TTC28: variants seen among roughly 807,000 people sequenced by gnomAD.
The protein encoded by TTC28 is tetratricopeptide repeat domain 28, also known as tetratricopeptide repeat protein 28.
A neutral mutation model predicts 198.0 loss-of-function variants in TTC28; 61 were observed. The observed-to-expected ratio is 0.31, with a 90% CI of 0.25 to 0.38. The LOEUF is 0.38. Among genes scored for constraint, TTC28 ranks in the 10% least tolerant of loss-of-function variants. The pLI, the probability that TTC28 is intolerant of heterozygous loss-of-function variation, is 1.00. For synonymous variants in TTC28, 1,171 were observed against 1,297.8 expected, an observed-to-expected ratio of 0.90 and a Z score of 2.10; for missense variants, 2,678 against 3,164.0, an observed-to-expected ratio of 0.85 and a Z score of 3.69.
chr22:28,063,326 C>T (rs1477029091), intron 12 of TTC28, among the ~76,000 whole-genome samples: 1 of 152,176 alleles, frequency 6.6e-6, no homozygotes, highest in Non-Finnish European at 1.5e-5. Context: ...TTCTTCAGAA[C>T]AGAATGGCTG....
chr22:28,210,146 C>G (rs996361216), intron 5 of TTC28, among the ~76,000 whole-genome samples: 1 of 152,138 alleles, frequency 6.6e-6, no homozygotes, highest in Non-Finnish European at 1.5e-5. Flanking sequence ...ATGTCACCAT[C>G]ACCAAAGACC....
chr22:28,152,603 G>A (rs939725556), intron 6 of TTC28, among the ~76,000 whole-genome samples: 1 of 152,184 alleles, frequency 6.6e-6, no homozygotes, highest in Non-Finnish European at 1.5e-5. Flanking sequence ...GAACAAATAA[G>A]TACTATAAAA....
At chr22:28,671,151 C>A (rs140669117) in intron 1 of TTC28, among the ~76,000 whole-genome samples, 26 of 151,950 alleles carry the variant, frequency 1.7e-4, no homozygotes, top group African/African-American at 6.3e-4. Flanking sequence ...TACTATGTTG[C>A]CCAGGCTGAT....
At chr22:28,473,342 A>C (rs1021772972) in intron 2 of TTC28, among the ~76,000 whole-genome samples, 1 of 152,200 alleles carries the variant, frequency 6.6e-6, no homozygotes, top group African/African-American at 2.4e-5. Flanking sequence ...GATAGGAAGT[A>C]GGACTCAACT....
At chr22:28,011,624 T>C (rs966549774) in intron 14 of TTC28, among the ~76,000 whole-genome samples, 1 of 152,008 alleles carries the variant, frequency 6.6e-6, no homozygotes, top group Non-Finnish European at 1.5e-5. Flanking sequence ...TTTCAATCCA[T>C]GGTTGAATCC....
intron 2 of TTC28, among the ~76,000 whole-genome samples, chr22:28,438,794 T>C (rs1159421214): frequency 1.3e-5 from 2 of 152,202 alleles, no homozygotes; most frequent in African/African-American, 4.8e-5. Flanking sequence ...GTCTCTTGAC[T>C]AAAGGTAAAA....
chr22:28,170,507 A>G (rs991270910), intron 5 of TTC28, among the ~76,000 whole-genome samples: 3 of 152,194 alleles, frequency 2.0e-5, no homozygotes, highest in South Asian at 2.1e-4. Flanking sequence ...AAAAAAAGAA[A>G]AAAAGAAAAT....
chr22:28,463,397 G>A (rs2047975877), intron 2 of TTC28, among the ~76,000 whole-genome samples: 1 of 152,110 alleles, frequency 6.6e-6, no homozygotes. Flanking sequence ...ATTTGACCCA[G>A]CCATTGCATT....
At chr22:28,209,541 A>C (rs1016559820) in intron 5 of TTC28, among the ~76,000 whole-genome samples, 7 of 152,188 alleles carry the variant, frequency 4.6e-5, no homozygotes, top group African/African-American at 1.7e-4. Flanking sequence ...ACTCACTGCT[A>C]GCACAGCAGT....
intron 5 of TTC28, among the ~76,000 whole-genome samples, chr22:28,216,368 A>T (rs1459984783): frequency 6.6e-6 from 1 of 152,218 alleles, no homozygotes; most frequent in African/African-American, 2.4e-5. Context: ...TTCAAAGAGG[A>T]GGTAAGCTTG....
intron 5 of TTC28, among the ~76,000 whole-genome samples, chr22:28,264,589 A>C (rs1488461018): frequency 6.6e-6 from 1 of 152,210 alleles, no homozygotes; most frequent in Non-Finnish European, 1.5e-5. Flanking sequence ...TATGATATAT[A>C]GATATAAATA....
intron 2 of TTC28, among the ~76,000 whole-genome samples, chr22:28,585,272 C>T (rs2050297317): frequency 6.6e-6 from 1 of 152,100 alleles, no homozygotes; most frequent in African/African-American, 2.4e-5. Context: ...ATACAACTCA[C>T]CATAATGTAG....
At chr22:28,055,580 A>G (rs559230790) in intron 12 of TTC28, among the ~76,000 whole-genome samples, 2 of 152,304 alleles carry the variant, frequency 1.3e-5, no homozygotes, top group South Asian at 4.1e-4. Flanking sequence ...TCTCCCAGAC[A>G]CTATTTAGTT....
intron 2 of TTC28, among the ~76,000 whole-genome samples, chr22:28,436,032 T>C (rs1340300474): frequency 6.6e-6 from 1 of 152,206 alleles, no homozygotes; most frequent in East Asian, 1.9e-4. Context: ...TGGCGTTTAG[T>C]ACATGCACAA....
chr22:28,264,625 G>A (rs188268437), intron 5 of TTC28, among the ~76,000 whole-genome samples: 24 of 152,212 alleles, frequency 1.6e-4, no homozygotes, highest in African/African-American at 2.4e-4. Context: ...GTGTGTACAC[G>A]CACACACGCA....
At chr22:28,512,733 A>G (rs1159822496) in intron 2 of TTC28, among the ~76,000 whole-genome samples, 1 of 152,156 alleles carries the variant, frequency 6.6e-6, no homozygotes, top group East Asian at 1.9e-4. Flanking sequence ...GTGAGAATAC[A>G]TGGACACACG....
intron 5 of TTC28, among the ~76,000 whole-genome samples, chr22:28,217,438 G>A (rs1174347457): frequency 1.3e-5 from 2 of 152,126 alleles, no homozygotes; most frequent in African/African-American, 4.8e-5. Flanking sequence ...TAGTATAAAG[G>A]AATTGTGGCG....
Position 28,005,647 on chromosome 22 carries a change from T to C in TTC28, c.4219-4094A>G, listed in dbSNP as rs991482469. Among the ~76,000 whole-genome samples the C allele has an allele frequency of 2.6e-5, 4 of 152,140 alleles. No individual in the cohort carries two copies. The highest frequency in any genetic ancestry group is 1.3e-4 in the Admixed American group (2 of 15,280). The stretch of plus-strand genomic sequence containing the variant: ...CCACGGGCCCAGAGCGCTGTCCCGT[T>C]GCCACCTTGCAGTCTCGGCCTGGTG... On this transcript the variant is annotated intron_variant, in intron 14 of 22. Coordinates refer to ENST00000397906, the MANE Select transcript of TTC28 (RefSeq NM_001145418.2). The surrounding 1 kb of genome is among the most constrained non-coding windows in gnomAD (Gnocchi z 4.9).
At chr22:28,036,123 G>A (rs1476048557) in intron 12 of TTC28, among the ~76,000 whole-genome samples, 1 of 152,158 alleles carries the variant, frequency 6.6e-6, no homozygotes, top group Non-Finnish European at 1.5e-5. Flanking sequence ...CATGAACTCA[G>A]CTCTGGACCA....
Sources: allele counts gnomAD v4.1 joint callset (sites outside exome capture counted in the v4.1 genomes callset), GRCh38; gene constraint gnomAD v4.1.1; non-coding constraint Gnocchi (gnomAD v3.1); transcripts MANE v1.5; gene names NCBI Gene and HGNC (gene_info 2026-07-23, HGNC 2026-07-21).